HK2: variants seen among roughly 807,000 people sequenced by gnomAD.
The protein encoded by HK2 is hexokinase 2, also known as hexokinase-2.
Under a neutral mutation model 92.9 loss-of-function variants are expected in HK2, and 42 were observed. The ratio of observed to expected loss-of-function variants is 0.45; its 90% CI spans 0.35 to 0.58. The LOEUF (loss-of-function observed/expected upper bound fraction) is 0.58, where lower values mean the gene tolerates loss of function less well. Among genes scored for constraint, HK2 ranks in the 20% least tolerant of loss-of-function variants. The probability of loss-of-function intolerance (pLI) is 0.00; values close to 1 mark genes in which losing one functional copy is unlikely to be tolerated. For missense variants in HK2, 978 were observed against 1,245.1 expected (o/e 0.79, Z 3.23); for synonymous variants, 422 against 468.0 (o/e 0.90, Z 1.27).
chr2:74,873,569 T>A (rs1432573426), intron 5 of HK2, among the ~76,000 whole-genome samples, 198 bp downstream of exon 5: 1 of 152,218 alleles, frequency 6.6e-6, no homozygotes, highest in East Asian at 1.9e-4. Context: ...GGATAAATAA[T>A]CTTAGCCTTG....
At chr2:74,862,030 A>G (rs1451154548) in intron 2 of HK2, among the ~76,000 whole-genome samples, 3 of 152,216 alleles carry the variant, frequency 2.0e-5, no homozygotes, top group Admixed American at 6.5e-5. Context: ...GGGAACCATG[A>G]TGCTGATGGT....
At chr2:74,877,110 G>A in intron 7 of HK2, 56 bp from the exon 8 acceptor site, 2 of 1,609,538 alleles carry the variant, frequency 1.2e-6, no homozygotes. Flanking sequence ...CAACAGGGAA[G>A]CTATGAGTAC....
At chr2:74,872,965 A>G (rs201992297) in intron 4 of HK2, among the ~76,000 whole-genome samples, 9 of 152,354 alleles carry the variant, frequency 5.9e-5, no homozygotes, top group East Asian at 5.8e-4. Flanking sequence ...GCTATAGGCA[A>G]TTGTAACACA....
Position 74,882,112 on chromosome 2 carries a change from C to A in HK2, c.1720-8C>A. On this transcript the variant is annotated splice_region_variant and splice_polypyrimidine_tract_variant and intron_variant, in intron 11 of 17. Coordinates refer to ENST00000290573, the MANE Select transcript of HK2 (RefSeq NM_000189.5). ...CCCCTCCCTCAGTGTCCTAACTTCT[C>A]CCTGCAGCTCTTTGACCACATTGTC... The A allele has an allele frequency of 6.2e-7, 1 of 1,614,088 alleles. No homozygotes were observed. Among genetic ancestry groups the A allele is most frequent in the Non-Finnish European group, 8.5e-7 (1 of 1,179,990 alleles).
chr2:74,859,030 A>G (rs1688754781), intron 2 of HK2, among the ~76,000 whole-genome samples: 1 of 152,244 alleles, frequency 6.6e-6, no homozygotes, highest in Non-Finnish European at 1.5e-5. Flanking sequence ...CAATGACTGA[A>G]TTTGGTGTCA....
intron 15 of HK2, among the ~76,000 whole-genome samples, chr2:74,887,648 C>T (rs1689571154): frequency 6.6e-6 from 1 of 151,958 alleles, no homozygotes; most frequent in Non-Finnish European, 1.5e-5. Context: ...CCTGTGGGTT[C>T]CTTTCCAAGG....
chr2:74,841,825 G>C (rs980642428), intron 1 of HK2, among the ~76,000 whole-genome samples: 1 of 152,368 alleles, frequency 6.6e-6, no homozygotes, highest in South Asian at 2.1e-4. Context: ...TTTCCATGGA[G>C]GCTGGGCATG....
chr2:74,883,362 G>A (rs1017981164), intron 12 of HK2, among the ~76,000 whole-genome samples: 3 of 152,186 alleles, frequency 2.0e-5, no homozygotes, highest in African/African-American at 4.8e-5. Context: ...ATGTTAATCC[G>A]AGTGCATACC....
At position 74,878,832 on chromosome 2, in the gene HK2, C is replaced by T. The variant is rs765479895; in HGVS notation, c.1176C>T (p.Ala392=). 2.1e-5 allele frequency: 33 copies of T among 1,556,680 alleles called. No homozygotes were observed. The Admixed American group carries it at 4.3e-4, about 20-fold the overall frequency. Residue 392 remains alanine (A), a synonymous_variant, in exon 9 of 18, where the codon GCC becomes GCT. Transcript: ENST00000290573. ...SASLCAATLA[A]VLQRIKENKG... ...GCCTGTGCGCAGCCACCCTGGCCGC[C>T]GTGCTGCAGCGCATCAAGGAGAACA...
At chr2:74,867,058 C>A (rs904853368) in intron 2 of HK2, among the ~76,000 whole-genome samples, 1 of 152,150 alleles carries the variant, frequency 6.6e-6, no homozygotes, top group South Asian at 2.1e-4. Context: ...GCACCCCTGG[C>A]ATGGGGCTTG....
chr2:74,889,237 C>A lies in HK2; in HGVS notation c.2376-8C>A. Reference sequence around the variant, plus strand: ...GACTGAACACTTGCTGTCTCCCTCCCACCCCAGTGACTGCCTGGCCCTGCT... The same window carrying A: ...GACTGAACACTTGCTGTCTCCCTCCAACCCCAGTGACTGCCTGGCCCTGCT... On this transcript the variant is annotated splice_polypyrimidine_tract_variant and splice_region_variant and intron_variant, in intron 16 of 17. Transcript: ENST00000290573. 1 of 1,609,872 alleles carries A rather than the reference C, an allele frequency of 6.2e-7. No individual in the cohort carries two copies. The highest frequency in any genetic ancestry group is 8.5e-7 in the Non-Finnish European group (1 of 1,177,194).
At chr2:74,881,190 G>C (rs1392693335) in intron 10 of HK2, among the ~76,000 whole-genome samples, 1 of 152,240 alleles carries the variant, frequency 6.6e-6, no homozygotes, top group Non-Finnish European at 1.5e-5. Flanking sequence ...AACGTTTGCT[G>C]TCTGGGCCTT....
chr2:74,881,558 G>A (rs1192933204), intron 10 of HK2, among the ~76,000 whole-genome samples, 153 bp from the exon 11 acceptor site: 2 of 152,234 alleles, frequency 1.3e-5, no homozygotes, highest in Admixed American at 6.5e-5. Context: ...CCTTCAGGGA[G>A]CTGGACTCTT....
At chr2:74,869,835 G>C (rs1689052476) in intron 3 of HK2, among the ~76,000 whole-genome samples, 1 of 152,182 alleles carries the variant, frequency 6.6e-6, no homozygotes, top group South Asian at 2.1e-4. Flanking sequence ...AAAAGATGTA[G>C]GTTCTTTGAA....
At chr2:74,886,749 G>A in intron 15 of HK2, 76 bp downstream of exon 15, 1 of 1,455,142 alleles carries the variant, frequency 6.9e-7, no homozygotes, top group Non-Finnish European at 9.6e-7. Context: ...TTCCACAATG[G>A]CATCTCCCAG....
At chr2:74,853,808 C>T (rs1167600954) in intron 1 of HK2, among the ~76,000 whole-genome samples, 4 of 152,016 alleles carry the variant, frequency 2.6e-5, no homozygotes, top group East Asian at 1.9e-4. Context: ...CGGGGATCAG[C>T]GGAGTCTGGC....
chr2:74,863,575 C>T (rs1204005786), intron 2 of HK2, among the ~76,000 whole-genome samples: 2 of 152,180 alleles, frequency 1.3e-5, no homozygotes, highest in African/African-American at 2.4e-5. Context: ...AAAATACGTG[C>T]CTTGAGACCT....
intron 2 of HK2, among the ~76,000 whole-genome samples, chr2:74,860,264 T>C (rs1688794074): frequency 6.6e-6 from 1 of 152,096 alleles, no homozygotes; most frequent in African/African-American, 2.4e-5. Context: ...TTGGATACAC[T>C]AAAAGCCCTC....
At chr2:74,842,758 C>G (rs575205342) in intron 1 of HK2, among the ~76,000 whole-genome samples, 1 of 152,226 alleles carries the variant, frequency 6.6e-6, no homozygotes, top group African/African-American at 2.4e-5. Flanking sequence ...CTCTAAATTG[C>G]TTTTCTTCTG....
Sources: gnomAD v4.1 joint callset for allele counts (sites outside exome capture counted in the v4.1 genomes callset) on GRCh38, gnomAD v4.1.1 for gene constraint, MANE v1.5 for transcripts, NCBI Gene and HGNC (gene_info 2026-07-23, HGNC 2026-07-21) for gene names.